The following LARGE1 variants were observed in gnomAD, a reference collection of about 807,000 sequenced individuals.
The protein encoded by LARGE1 is LARGE xylosyl- and glucuronyltransferase 1.
Under a neutral mutation model 87.6 loss-of-function variants are expected in LARGE1, and 43 were observed. That is an observed-to-expected ratio of 0.49 (90% CI 0.38 to 0.63). The LOEUF (loss-of-function observed/expected upper bound fraction) is 0.63, where lower values mean the gene tolerates loss of function less well. Ranked by LOEUF, LARGE1 falls within the 30% of genes least tolerant of loss-of-function variation. LARGE1 has a pLI of 0.00. For synonymous variants in LARGE1, 434 were observed against 394.6 expected (o/e 1.10, Z -1.18); for missense variants, 802 against 1,000.2 (o/e 0.80, Z 2.67).
the LARGE1 span, among the ~76,000 whole-genome samples, chr22:33,096,784 C>G: frequency 2.0e-5 from 3 of 152,080 alleles, no homozygotes; most frequent in Non-Finnish European, 4.4e-5. Flanking sequence ...CCAGGATGGT[C>G]TCTATCTCCT....
rs1555881066 is a variant in LARGE1 at position 33,829,011 on chromosome 22, T to TC, written c.-82-67454_-82-67453insG. Among the ~76,000 whole-genome samples, 15 of 101,886 alleles carry TC rather than the reference T, an allele frequency of 1.5e-4. 1 individual carries two copies. The highest frequency in any genetic ancestry group is 0.011 in the Middle Eastern group (2 of 184). The allele number at this position is 101,886 out of a possible 152,430, so 66.8% of individuals were successfully genotyped here. A position where few individuals can be genotyped will look rare whatever the true frequency, so the allele number is the denominator to read the frequency against. ...GCTTTGTGAAGTCTCTTTTTCTTTT[T>TC]TTTTTTTTTTTTTTTTTGAGAGAGT... On this transcript the variant is annotated intron_variant, in intron 1 of 14. Transcript: ENST00000397394.
chr22:33,451,983 C>G (rs1019993908), intron 6 of LARGE1, among the ~76,000 whole-genome samples: 1 of 152,238 alleles, frequency 6.6e-6, no homozygotes, highest in Admixed American at 6.5e-5. Context: ...CAATTACACC[C>G]AGGTTCCTCT....
At chr22:33,717,865 C>T (rs2082958043) in intron 2 of LARGE1, among the ~76,000 whole-genome samples, 1 of 152,204 alleles carries the variant, frequency 6.6e-6, no homozygotes, top group African/African-American at 2.4e-5. Context: ...AGTGTCCACT[C>T]CTACTCCAGG....
chr22:33,318,418 T>C (rs1936391260), intron 10 of LARGE1, among the ~76,000 whole-genome samples: 1 of 152,224 alleles, frequency 6.6e-6, no homozygotes, highest in Non-Finnish European at 1.5e-5. Flanking sequence ...GCTTCACCCA[T>C]GTCCCTACAA....
chr22:33,138,004 G>A, the LARGE1 span, among the ~76,000 whole-genome samples: 1 of 152,288 alleles, frequency 6.6e-6, no homozygotes, highest in Non-Finnish European at 1.5e-5. Context: ...GCTGTGAGAA[G>A]AAGTCCACCA....
chr22:33,535,790 G>C (rs1252040709), intron 6 of LARGE1, among the ~76,000 whole-genome samples: 2 of 152,128 alleles, frequency 1.3e-5, no homozygotes, highest in Non-Finnish European at 1.5e-5. Flanking sequence ...TTGTTGCCCG[G>C]TGGGATCGCT....
At chr22:33,836,897 C>T (rs2063123637) in intron 1 of LARGE1, among the ~76,000 whole-genome samples, 1 of 152,000 alleles carries the variant, frequency 6.6e-6, no homozygotes, top group Admixed American at 6.6e-5. Context: ...GAAACAGAGA[C>T]TCAATAAGCC....
chr22:33,188,249 C>T (rs975251767), intron 11 of LARGE1, among the ~76,000 whole-genome samples: 2 of 152,008 alleles, frequency 1.3e-5, no homozygotes, highest in Non-Finnish European at 2.9e-5. Context: ...GACTAAGACA[C>T]GAAATTAACG....
At chr22:33,442,863 G>A (rs1279142526) in intron 6 of LARGE1, among the ~76,000 whole-genome samples, 3 of 149,198 alleles carry the variant, frequency 2.0e-5, no homozygotes, top group Non-Finnish European at 4.4e-5. Context: ...CACTATCTCC[G>A]CTCACTGCAA....
At chr22:33,140,268 C>A in the LARGE1 span, among the ~76,000 whole-genome samples, 2 of 152,088 alleles carry the variant, frequency 1.3e-5, no homozygotes, top group African/African-American at 4.8e-5. Context: ...GGAAGAAAGA[C>A]CAGTCTAAGT....
chr22:33,443,013 C>G (rs570660450), intron 6 of LARGE1, among the ~76,000 whole-genome samples: 3 of 152,046 alleles, frequency 2.0e-5, no homozygotes, highest in African/African-American at 7.2e-5. Context: ...AGGATGGTCT[C>G]GATCTCTTGA....
chr22:33,081,809 T>C, the LARGE1 span, among the ~76,000 whole-genome samples: 1 of 152,200 alleles, frequency 6.6e-6, no homozygotes, highest in Non-Finnish European at 1.5e-5. Context: ...AAAGAGATTT[T>C]CATTGTCTGC....
chr22:33,102,716 C>G, the LARGE1 span, among the ~76,000 whole-genome samples: 1 of 152,014 alleles, frequency 6.6e-6, no homozygotes, highest in Non-Finnish European at 1.5e-5. Flanking sequence ...GTCTTGAACT[C>G]CTGACCTCAG....
the LARGE1 span, among the ~76,000 whole-genome samples, chr22:33,097,268 G>T: frequency 6.6e-6 from 1 of 152,116 alleles, no homozygotes; most frequent in Non-Finnish European, 1.5e-5. Flanking sequence ...AATGAGAGAG[G>T]TCAGGAAGTC....
chr22:33,770,710 A>G (rs1195838404), intron 1 of LARGE1, among the ~76,000 whole-genome samples: 2 of 152,154 alleles, frequency 1.3e-5, no homozygotes, highest in Non-Finnish European at 2.9e-5. Context: ...AAAAAAGCAA[A>G]AAAGGTGAAA....
At position 33,492,175 on chromosome 22, in the gene LARGE1, C is replaced by T. The variant is rs531899535; in HGVS notation, c.788-59910G>A. ...CTGGCAGGTGACAGATGAGCCAATG[C>T]ATCACTGAGGGAGATGCAAGGGAGG... On this transcript the variant is annotated intron_variant, in intron 6 of 14. Transcript: ENST00000397394. Among the ~76,000 whole-genome samples the T allele has an allele frequency of 6.2e-4, 94 of 152,266 alleles. 1 individual carries two copies. The South Asian group carries it at 0.018, about 29-fold the overall frequency.
chr22:33,830,859 T>A (rs3819673), intron 1 of LARGE1, among the ~76,000 whole-genome samples: 10,641 of 152,282 alleles, frequency 0.07, 487 homozygotes, highest in Admixed American at 0.1. Flanking sequence ...TGCCCTCACG[T>A]AGAAGAAGAG....
chr22:33,393,399 T>A (rs2065601621), intron 7 of LARGE1, among the ~76,000 whole-genome samples: 1 of 152,226 alleles, frequency 6.6e-6, no homozygotes, highest in African/African-American at 2.4e-5. Flanking sequence ...GGTGTCTAAT[T>A]ATCCCTCACT....
the LARGE1 span, among the ~76,000 whole-genome samples, chr22:33,106,862 C>T: frequency 5.0e-4 from 76 of 152,322 alleles, 1 homozygote; most frequent in Middle Eastern, 0.01. Context: ...TTTTTCCCAT[C>T]TCAGTGAAGT....
Sources: gnomAD v4.1 joint callset for allele counts (sites outside exome capture counted in the v4.1 genomes callset) on GRCh38, gnomAD v4.1.1 for gene constraint, MANE v1.5 for transcripts, NCBI Gene and HGNC (gene_info 2026-07-23, HGNC 2026-07-21) for gene names.